Variants in EXOC4 observed in about 807,000 individuals in gnomAD.
EXOC4 encodes exocyst complex component 4.
EXOC4 carries 71 observed loss-of-function variants against 107.2 expected under a neutral mutation model. The observed-to-expected ratio is 0.66, with a 90% CI of 0.55 to 0.81. The LOEUF (loss-of-function observed/expected upper bound fraction) is 0.81. Ranked by LOEUF, EXOC4 falls within the 30% of genes least tolerant of loss-of-function variation. The pLI is 0.00. For synonymous variants in EXOC4, 456 were observed against 441.2 expected (o/e 1.03, Z -0.42); for missense variants, 1,108 against 1,189.6 (o/e 0.93, Z 1.01).
intron 10 of EXOC4, among the ~76,000 whole-genome samples, chr7:133,784,353 G>A (rs1333084706): frequency 6.6e-6 from 1 of 152,160 alleles, no homozygotes; most frequent in Non-Finnish European, 1.5e-5. Flanking sequence ...TAATTATTCA[G>A]TAGGTATATT....
chr7:133,299,020 CAT>C (rs1794584814), intron 3 of EXOC4, among the ~76,000 whole-genome samples: 1 of 152,056 alleles, frequency 6.6e-6, no homozygotes, highest in Non-Finnish European at 1.5e-5. Flanking sequence ...ATGGAAAAAA[CAT>C]GTTTAAAAAC....
intron 7 of EXOC4, among the ~76,000 whole-genome samples, chr7:133,428,707 T>C (rs1797783226): frequency 6.6e-6 from 1 of 152,218 alleles, no homozygotes; most frequent in Non-Finnish European, 1.5e-5. Context: ...CCTTCAGTTA[T>C]ATTCTACATC....
At chr7:133,360,493 G>C (rs187007572) in intron 6 of EXOC4, among the ~76,000 whole-genome samples, 1 of 152,266 alleles carries the variant, frequency 6.6e-6, no homozygotes, top group East Asian at 1.9e-4. Flanking sequence ...AGTTGGAGCC[G>C]TTGCTTCCAG....
intron 3 of EXOC4, among the ~76,000 whole-genome samples, chr7:133,294,094 G>A (rs1794465030): frequency 1.3e-5 from 2 of 152,110 alleles, no homozygotes; most frequent in African/African-American, 4.8e-5. Context: ...TTGAAAAGAC[G>A]GCTGAAGATG....
intron 7 of EXOC4, among the ~76,000 whole-genome samples, chr7:133,409,941 A>C (rs1425553645): frequency 6.6e-6 from 1 of 151,832 alleles, no homozygotes; most frequent in Non-Finnish European, 1.5e-5. Flanking sequence ...TAGTTAGGCT[A>C]TCTGTATGAT....
intron 9 of EXOC4, among the ~76,000 whole-genome samples, chr7:133,519,011 A>G (rs1194995245): frequency 6.6e-6 from 1 of 152,238 alleles, no homozygotes; most frequent in Admixed American, 6.5e-5. Context: ...TTTTTCCTCA[A>G]TTAAAAAAGT....
At chr7:134,013,945 A>G (rs1411667000) in intron 17 of EXOC4, among the ~76,000 whole-genome samples, 1 of 152,226 alleles carries the variant, frequency 6.6e-6, no homozygotes, top group South Asian at 2.1e-4. Flanking sequence ...GCTGGTAGAA[A>G]TGTAAAATGG....
intron 10 of EXOC4, among the ~76,000 whole-genome samples, chr7:133,755,313 TTATATATATATAATATATATATACAC>T (rs1795890991): frequency 9.7e-6 from 1 of 103,182 alleles, no homozygotes. Context: ...TATATATATA[TTATATATATATAATATATATATACAC>T]ATCTCTTTTT....
rs148410341 is a variant in EXOC4, at chr7:133,574,917, T to C, written c.1418-55128T>C. Among the ~76,000 whole-genome samples, 755 of 152,332 alleles carry C rather than the reference T, an allele frequency of 5.0e-3. 8 individuals carry two copies. Among genetic ancestry groups the C allele is most frequent in the African/African-American group, 0.017 (718 of 41,570 alleles). ...AACCTGTTACAAACAAATTTTTGGA[T>C]GGGATATTGTAATACAAATGAAACT... On this transcript the variant is annotated intron_variant, in intron 9 of 17. Coordinates refer to ENST00000253861, the MANE Select transcript of EXOC4 (RefSeq NM_021807.4).
At chr7:133,867,917 G>A (rs1479015282) in intron 11 of EXOC4, among the ~76,000 whole-genome samples, 2 of 152,192 alleles carry the variant, frequency 1.3e-5, no homozygotes, top group Non-Finnish European at 2.9e-5. Context: ...GATCTTTAAA[G>A]CATATGTGCT....
chr7:133,815,195 A>G lies in EXOC4; in HGVS notation c.1515-2130A>G, dbSNP rs374282305. On this transcript the variant is annotated intron_variant, in intron 10 of 17. Transcript: ENST00000253861. Reference sequence around the variant, plus strand: ...GCAGTTCAAGACCAGCCTGGCCAACATGGCAAAACTCCATCCCTACTAAAA... The same window carrying G: ...GCAGTTCAAGACCAGCCTGGCCAACGTGGCAAAACTCCATCCCTACTAAAA... Among the ~76,000 whole-genome samples the G allele has an allele frequency of 3.9e-5, 6 of 152,212 alleles. No homozygotes were observed. In the East Asian group the frequency reaches 1.2e-3, roughly 29 times the overall value.
At chr7:133,668,528 C>T in intron 10 of EXOC4, among the ~76,000 whole-genome samples, 1 of 152,172 alleles carries the variant, frequency 6.6e-6, no homozygotes, top group East Asian at 1.9e-4. Flanking sequence ...CCCTTTGCAA[C>T]ACAGGTTTAT....
intron 5 of EXOC4, among the ~76,000 whole-genome samples, chr7:133,327,190 C>T (rs10808270): frequency 0.67 from 102,040 of 152,132 alleles, 36,092 homozygotes; most frequent in East Asian, 0.84. Flanking sequence ...CTTCAGCTCA[C>T]GCTTGGTGGG....
At chr7:133,508,200 T>G (rs181162386) in intron 9 of EXOC4, among the ~76,000 whole-genome samples, 30 of 152,318 alleles carry the variant, frequency 2.0e-4, no homozygotes, top group Admixed American at 1.6e-3. Flanking sequence ...TTAAGTCTTT[T>G]CAATGAAAGA....
At chr7:133,722,239 A>G (rs1585102508) in intron 10 of EXOC4, among the ~76,000 whole-genome samples, 1 of 152,236 alleles carries the variant, frequency 6.6e-6, no homozygotes, top group Non-Finnish European at 1.5e-5. Context: ...TTGGAAATCT[A>G]TTGATAATGC....
intron 9 of EXOC4, among the ~76,000 whole-genome samples, chr7:133,571,342 C>G (rs181340058): frequency 6.6e-6 from 1 of 152,218 alleles, no homozygotes; most frequent in Non-Finnish European, 1.5e-5. Context: ...CCTTTTGTGC[C>G]AATTTCTCAA....
At chr7:133,284,697 A>G (rs980316482) in intron 2 of EXOC4, among the ~76,000 whole-genome samples, 1 of 151,772 alleles carries the variant, frequency 6.6e-6, no homozygotes, top group African/African-American at 2.4e-5. Context: ...ATGCCTGGCT[A>G]ATTTTATTTT....
intron 10 of EXOC4, among the ~76,000 whole-genome samples, chr7:133,716,179 C>T (rs1794994571): frequency 1.3e-5 from 2 of 152,336 alleles, no homozygotes; most frequent in South Asian, 2.1e-4. Flanking sequence ...TTCATTTAGG[C>T]ATCCATTCAT....
chr7:133,651,099 C>G (rs967861868), intron 10 of EXOC4, among the ~76,000 whole-genome samples: 3 of 151,972 alleles, frequency 2.0e-5, no homozygotes, highest in African/African-American at 7.2e-5. Flanking sequence ...AAAAGTCATA[C>G]ACCACATATC....
Sources: allele counts gnomAD v4.1 joint callset (sites outside exome capture counted in the v4.1 genomes callset), GRCh38; gene constraint gnomAD v4.1.1; transcripts MANE v1.5; gene names NCBI Gene and HGNC (gene_info 2026-07-23, HGNC 2026-07-21).